The following PRXL2A variants were observed in gnomAD, a reference collection of about 807,000 sequenced individuals.
PRXL2A encodes peroxiredoxin like 2A.
PRXL2A carries 26 observed loss-of-function variants against 25.6 expected under a neutral mutation model. The observed-to-expected ratio is 1.02, with a 90% CI of 0.74 to 1.41. PRXL2A has a LOEUF of 1.41. Ranked by LOEUF, PRXL2A falls within the 40% of genes most tolerant of loss-of-function variation. PRXL2A has a pLI of 0.00. For synonymous variants in PRXL2A, 98 were observed against 102.9 expected (o/e 0.95, Z 0.29); for missense variants, 246 against 273.9 (o/e 0.90, Z 0.72).
intron 1 of PRXL2A, among the ~76,000 whole-genome samples, chr10:80,409,452 A>G (rs1413213150): frequency 6.6e-6 from 1 of 152,200 alleles, no homozygotes; most frequent in South Asian, 2.1e-4. Flanking sequence ...TCCTTGCCAC[A>G]TCATGCTGTC....
intron 2 of PRXL2A, among the ~76,000 whole-genome samples, 168 bp from the exon 3 acceptor site, chr10:80,422,249 T>C (rs1398294538): frequency 6.6e-6 from 1 of 152,234 alleles, no homozygotes; most frequent in African/African-American, 2.4e-5. Context: ...GTGTGTATTC[T>C]GTCTGTCTGT....
In PRXL2A at chr10:80,420,301, A is replaced by G; in HGVS notation, c.-2-165A>G. The stretch of plus-strand genomic sequence containing the variant: ...TGCTGCATCCCCAAGTTCTGGTGGC[A>G]GCAGGTGCTTAGCAGCCCTTGTCCA... On this transcript the variant is annotated intron_variant, in intron 1 of 5. Transcript: ENST00000606162. 5 of 1,363,576 alleles carry G rather than the reference A, an allele frequency of 3.7e-6. No individual in the cohort carries two copies. The South Asian group carries it at 9.8e-5, about 27-fold the overall frequency. The allele number at this position is 1,363,576 out of a possible 1,614,324, so 84.5% of individuals were successfully genotyped here.
intron 5 of PRXL2A, among the ~76,000 whole-genome samples, chr10:80,429,826 T>G (rs1444667469): frequency 6.6e-6 from 1 of 152,216 alleles, no homozygotes; most frequent in Non-Finnish European, 1.5e-5. Flanking sequence ...TACCCGCCTC[T>G]GCCTTCTCAT....
At chr10:80,421,233 C>A (rs901367934) in intron 2 of PRXL2A, among the ~76,000 whole-genome samples, 4 of 152,162 alleles carry the variant, frequency 2.6e-5, no homozygotes, top group African/African-American at 9.7e-5. Context: ...CAAGGTCACC[C>A]GTTAGAGCAG....
At chr10:80,425,532 G>A (rs915026567) in intron 3 of PRXL2A, among the ~76,000 whole-genome samples, 3 of 152,198 alleles carry the variant, frequency 2.0e-5, no homozygotes, top group African/African-American at 4.8e-5. Context: ...TTTTTAGAAC[G>A]GGGATACCTT....
At chr10:80,426,451 G>A (rs1278499883) in intron 4 of PRXL2A, among the ~76,000 whole-genome samples, 1 of 152,234 alleles carries the variant, frequency 6.6e-6, no homozygotes, top group Non-Finnish European at 1.5e-5. Context: ...TGTAGGCTAA[G>A]CTATGAGGTT....
At chr10:80,408,947 G>T (rs1399019352) in intron 1 of PRXL2A, 3 of 819,740 alleles carry the variant, frequency 3.7e-6, no homozygotes, top group Non-Finnish European at 4.4e-6. Flanking sequence ...CTCTGTCCAC[G>T]CCCGCAAGCC....
rs924085197 is a variant in PRXL2A at position 80,414,634 on chromosome 10, C to G, written c.-2-5832C>G. Among the ~76,000 whole-genome samples the G allele has an allele frequency of 7.2e-5, 11 of 152,204 alleles. 1 individual carries two copies. Among genetic ancestry groups the G allele is most frequent in the Non-Finnish European group, 1.6e-4 (11 of 68,046 alleles). On this transcript the variant is annotated intron_variant, in intron 1 of 5. Coordinates refer to ENST00000606162, the MANE Select transcript of PRXL2A (RefSeq NM_032333.5). ...TGAATGTGTGGCGAGGAAAGGTAGT[C>G]TTTCAGGCTTTGGAGTCCTATTCCT...
At chr10:80,429,520 T>TCCCGG (rs1845160006) in intron 5 of PRXL2A, among the ~76,000 whole-genome samples, 1 of 145,958 alleles carries the variant, frequency 6.9e-6, no homozygotes, top group African/African-American at 2.5e-5. Context: ...CAGAGACCCT[T>TCCCGG]CCCGGCCCGG....
intron 1 of PRXL2A, chr10:80,414,002 G>A: frequency 2.5e-6 from 1 of 399,288 alleles, no homozygotes; most frequent in Non-Finnish European, 3.7e-6. Context: ...TGGGGCGGTG[G>A]GGGCAGTGTT....
chr10:80,419,939 G>A (rs1432331896), intron 1 of PRXL2A: 2 of 982,208 alleles, frequency 2.0e-6, no homozygotes, highest in East Asian at 1.1e-4. Context: ...GTTTTTGGAG[G>A]GTCGTCAAAC....
In PRXL2A at chr10:80,433,573, G is replaced by A. The variant is rs1047288753; in HGVS notation, c.*1474G>A. On this transcript the variant is annotated 3_prime_UTR_variant, in exon 6 of 6. Transcript: ENST00000606162. ...AGAGCATCGGGATTGAGTATGCAGAGTGAGTTAGGGTTGAGTGGTTCGGGA... is the reference window on the plus strand; with the variant it reads ...AGAGCATCGGGATTGAGTATGCAGAATGAGTTAGGGTTGAGTGGTTCGGGA... 2 of 152,288 alleles carry A rather than the reference G, an allele frequency of 1.3e-5. No individual in the cohort carries two copies. Among genetic ancestry groups the A allele is most frequent in the Non-Finnish European group, 2.9e-5 (2 of 68,098 alleles). 9.4% of individuals were successfully genotyped at this position (152,288 alleles called of 1,614,324 possible).
chr10:80,413,087 C>T (rs1031549294), intron 1 of PRXL2A, among the ~76,000 whole-genome samples: 1 of 152,072 alleles, frequency 6.6e-6, no homozygotes, highest in Non-Finnish European at 1.5e-5. Flanking sequence ...TCGATGTAGG[C>T]AGTGAAGGCA....
At chr10:80,423,675 G>C (rs1844939585) in intron 3 of PRXL2A, among the ~76,000 whole-genome samples, 1 of 152,218 alleles carries the variant, frequency 6.6e-6, no homozygotes, top group South Asian at 2.1e-4. Flanking sequence ...TGGAAATACA[G>C]CTTGTTTTAC....
chr10:80,420,232 C>T, intron 1 of PRXL2A: 1 of 1,207,142 alleles, frequency 8.3e-7, no homozygotes, highest in African/African-American at 1.6e-5. Context: ...GTCATCACTC[C>T]TGATGCCCTG....
Position 80,428,585 on chromosome 10 carries a change from C to T in PRXL2A, c.576+1089C>T, listed in dbSNP as rs60745575. 7.4e-3 allele frequency among the ~76,000 whole-genome samples: 1,128 copies of T among 152,130 alleles called. 17 individuals are homozygous for T. Among genetic ancestry groups the T allele is most frequent in the African/African-American group, 0.026 (1,072 of 41,512 alleles). On this transcript the variant is annotated intron_variant, in intron 5 of 5. Transcript: ENST00000606162. ...TTGGGAGGCTGAGGCAGGAGATTTGCTTGAACCCAGGAGGCAGAGGCTGCA... is the reference window on the plus strand; with the variant it reads ...TTGGGAGGCTGAGGCAGGAGATTTGTTTGAACCCAGGAGGCAGAGGCTGCA...
At chr10:80,420,755 A>C in intron 2 of PRXL2A, 110 bp downstream of exon 2, 1 of 790,938 alleles carries the variant, frequency 1.3e-6, no homozygotes, top group Non-Finnish European at 1.8e-6. Flanking sequence ...TAATATAACA[A>C]CATTAGGAAA....
intron 4 of PRXL2A, 21 bp from the exon 5 acceptor site, chr10:80,427,311 T>A (rs1845075392): frequency 6.2e-7 from 1 of 1,611,576 alleles, no homozygotes; most frequent in Admixed American, 1.7e-5. Context: ...TCATATGGGA[T>A]CTGTCTTTCT....
intron 1 of PRXL2A, among the ~76,000 whole-genome samples, chr10:80,419,523 G>T (rs968907196): frequency 1.4e-5 from 2 of 145,594 alleles, no homozygotes; most frequent in African/African-American, 5.1e-5. Context: ...AGTCAGGCTG[G>T]TCTCGAACTC....
Sources: allele counts gnomAD v4.1 joint callset (sites outside exome capture counted in the v4.1 genomes callset), GRCh38; gene constraint gnomAD v4.1.1; transcripts MANE v1.5; gene names NCBI Gene and HGNC (gene_info 2026-07-23, HGNC 2026-07-21).